PARD3B: variants seen among roughly 807,000 people sequenced by gnomAD.
The protein encoded by PARD3B is partitioning defective 3 homolog B.
PARD3B carries 103 observed loss-of-function variants against 130.2 expected under a neutral mutation model. That is an observed-to-expected ratio of 0.79 (90% confidence interval 0.67 to 0.93). PARD3B has a LOEUF of 0.93. Among genes scored for constraint, PARD3B ranks in the 40% least tolerant of loss-of-function variants. The pLI is 0.00. For synonymous variants in PARD3B, 583 were observed against 553.2 expected, an observed-to-expected ratio of 1.05 and a Z score of -0.76; for missense variants, 1,609 against 1,499.2, an observed-to-expected ratio of 1.07 and a Z score of -1.21.
intron 22 of PARD3B, among the ~76,000 whole-genome samples, chr2:205,557,648 G>A (rs540170172): frequency 5.3e-5 from 8 of 152,250 alleles, no homozygotes; most frequent in African/African-American, 1.4e-4. Context: ...TTAGAGCCTC[G>A]GTAATAGTGC....
chr2:205,225,364 T>C (rs914219690), intron 15 of PARD3B, among the ~76,000 whole-genome samples: 13 of 152,220 alleles, frequency 8.5e-5, no homozygotes, highest in African/African-American at 2.7e-4. Flanking sequence ...ATCAATGATG[T>C]TGAGCACCTT....
At chr2:204,608,386 T>C (rs2033804602) in intron 1 of PARD3B, among the ~76,000 whole-genome samples, 1 of 152,192 alleles carries the variant, frequency 6.6e-6, no homozygotes, top group African/African-American at 2.4e-5. Context: ...CCTTTCCCAT[T>C]CTTCTACCCT....
At chr2:205,302,876 C>A (rs2042061274) in intron 18 of PARD3B, among the ~76,000 whole-genome samples, 1 of 152,148 alleles carries the variant, frequency 6.6e-6, no homozygotes, top group East Asian at 1.9e-4. Context: ...TAAAATGAGG[C>A]CAGCATACTT....
At chr2:204,752,359 A>G (rs79796515) in intron 2 of PARD3B, among the ~76,000 whole-genome samples, 4,639 of 152,286 alleles carry the variant, frequency 0.03, 94 homozygotes, top group Middle Eastern at 0.071. Flanking sequence ...AAAGTGCCAC[A>G]TAAGTAAGCC....
At chr2:204,824,568 G>T (rs1470347388) in intron 2 of PARD3B, among the ~76,000 whole-genome samples, 1 of 152,058 alleles carries the variant, frequency 6.6e-6, no homozygotes, top group Non-Finnish European at 1.5e-5. Context: ...AGAAAATAGA[G>T]CTGCCAGAAC....
intron 18 of PARD3B, among the ~76,000 whole-genome samples, chr2:205,344,243 G>A (rs867139346): frequency 3.4e-5 from 5 of 148,806 alleles, no homozygotes; most frequent in Middle Eastern, 6.9e-3. Flanking sequence ...CACAGAGTAC[G>A]CCACAGAGAC....
intron 22 of PARD3B, among the ~76,000 whole-genome samples, chr2:205,567,725 C>T (rs1445080042): frequency 6.6e-6 from 1 of 151,620 alleles, no homozygotes; most frequent in Non-Finnish European, 1.5e-5. Context: ...TTTTGGTGTC[C>T]TAGGCAGGGC....
intron 16 of PARD3B, among the ~76,000 whole-genome samples, chr2:205,289,493 C>T (rs1004278981): frequency 6.6e-6 from 1 of 152,146 alleles, no homozygotes; most frequent in Non-Finnish European, 1.5e-5. Context: ...CTCTGTTTTA[C>T]AGATAAGGAA....
intron 18 of PARD3B, among the ~76,000 whole-genome samples, chr2:205,310,723 T>TTC (rs1460320314): frequency 7.8e-6 from 1 of 128,600 alleles, no homozygotes; most frequent in East Asian, 2.2e-4. Context: ...TTCTTTCTTT[T>TTC]TTTTTTTTTT....
chr2:205,357,200 A>G (rs12470003), intron 18 of PARD3B, among the ~76,000 whole-genome samples: 91,817 of 152,022 alleles, frequency 0.6, 30,928 homozygotes, highest in South Asian at 0.77. Context: ...AGAGAAGGAC[A>G]TTTTTTCCTA....
chr2:204,960,184 T>C (rs1040477248), intron 2 of PARD3B, among the ~76,000 whole-genome samples: 7 of 152,214 alleles, frequency 4.6e-5, no homozygotes, highest in Non-Finnish European at 7.3e-5. Context: ...GTCCTTAAGC[T>C]ACTTTAAGGG....
intron 16 of PARD3B, among the ~76,000 whole-genome samples, chr2:205,251,448 T>C (rs2039845499): frequency 1.3e-5 from 2 of 152,194 alleles, no homozygotes; most frequent in African/African-American, 4.8e-5. Context: ...CTAAATGCAA[T>C]GTGTATAAAC....
intron 3 of PARD3B, among the ~76,000 whole-genome samples, chr2:204,974,190 T>C (rs1691943046): frequency 6.6e-6 from 1 of 152,204 alleles, no homozygotes. Flanking sequence ...TGGAAGAAAT[T>C]TGGAACTTTG....
intron 22 of PARD3B, among the ~76,000 whole-genome samples, chr2:205,565,547 G>A (rs1334794498): frequency 6.6e-6 from 1 of 152,086 alleles, no homozygotes; most frequent in Non-Finnish European, 1.5e-5. Context: ...GCCTTCTGTG[G>A]GTCGGTTATA....
rs1167207296 is a variant in PARD3B at position 205,035,798 on chromosome 2, C to CAT, written c.395-11762_395-11761dup. Among the ~76,000 whole-genome samples, 66 of 18,896 alleles carry CAT rather than the reference C, an allele frequency of 3.5e-3. 1 individual carries two copies. The highest frequency in any genetic ancestry group is 5.2e-3 in the Non-Finnish European group (41 of 7,902). 12.4% of individuals were successfully genotyped at this position (18,896 alleles called of 152,430 possible). On this transcript the variant is annotated intron_variant, in intron 3 of 22. Transcript: ENST00000406610. ...ATCTATCGGAGTCAGAGATATATCTCATATATATATATATATATATATCTA... is the reference window on the plus strand; with the variant it reads ...ATCTATCGGAGTCAGAGATATATCTCATATATATATATATATATATATATCTA...
intron 3 of PARD3B, among the ~76,000 whole-genome samples, chr2:205,000,318 C>G (rs759098248): frequency 1.3e-5 from 2 of 152,066 alleles, no homozygotes; most frequent in Non-Finnish European, 2.9e-5. Flanking sequence ...ACTGAGTGAG[C>G]CTGCTCAGGT....
chr2:204,881,876 C>G (rs2125670878), intron 2 of PARD3B, among the ~76,000 whole-genome samples: 1 of 152,336 alleles, frequency 6.6e-6, no homozygotes, highest in Admixed American at 6.5e-5. Context: ...TGCTTTTGCA[C>G]TGTCCCTGAA....
intron 15 of PARD3B, among the ~76,000 whole-genome samples, chr2:205,223,782 T>C (rs1331677238): frequency 6.6e-6 from 1 of 152,220 alleles, no homozygotes; most frequent in East Asian, 1.9e-4. Flanking sequence ...CCATTATGTT[T>C]CCTTTTAATT....
chr2:205,177,002 G>C (rs1263080931), intron 13 of PARD3B, among the ~76,000 whole-genome samples: 1 of 152,172 alleles, frequency 6.6e-6, no homozygotes, highest in Non-Finnish European at 1.5e-5. Context: ...TCTAATATGA[G>C]TATGATAAAT....
Sources: gnomAD v4.1 joint callset for allele counts (sites outside exome capture counted in the v4.1 genomes callset) on GRCh38, gnomAD v4.1.1 for gene constraint, MANE v1.5 for transcripts, NCBI Gene and HGNC (gene_info 2026-07-23, HGNC 2026-07-21) for gene names.